Variants in AGFG1 observed in about 807,000 individuals in gnomAD.
AGFG1 encodes the protein arf-GAP domain and FG repeat-containing protein 1.
Under a neutral mutation model 60.6 loss-of-function variants are expected in AGFG1, and 10 were observed. That is an observed-to-expected ratio of 0.16 (90% CI 0.10 to 0.28). The LOEUF (loss-of-function observed/expected upper bound fraction) is 0.28. Ranked by LOEUF, AGFG1 falls within the 10% of genes least tolerant of loss-of-function variation. The probability of loss-of-function intolerance (pLI) is 1.00; values close to 1 mark genes in which losing one functional copy is unlikely to be tolerated. For synonymous variants in AGFG1, 247 were observed against 242.9 expected (o/e 1.02, Z -0.16); for missense variants, 537 against 676.5 (o/e 0.79, Z 2.29).
rs529915952 is a variant in AGFG1 at position 227,541,820 on chromosome 2, A to G, written c.1378+4827A>G. Among the ~76,000 whole-genome samples the G allele has an allele frequency of 5.0e-3, 759 of 152,264 alleles. 11 individuals carry two copies. The highest frequency in any genetic ancestry group is 0.017 in the African/African-American group (726 of 41,538). On this transcript the variant is annotated intron_variant, in intron 10 of 12. Transcript: ENST00000310078. Reference sequence around the variant, plus strand: ...CATTTTCACGATATTGATTCTTCCTATCCATGAGCATGGAATGTTCTTCCA... The same window carrying G: ...CATTTTCACGATATTGATTCTTCCTGTCCATGAGCATGGAATGTTCTTCCA...
rs561784090 is a variant in AGFG1, at chr2:227,507,031, T to A, written c.262-12917T>A. ...CCACTTTAAAAGTTTTAATTTTTGG[T>A]CATGTTAGCAGCTAATGCTCAGTGC... On this transcript the variant is annotated intron_variant, in intron 2 of 12. Coordinates refer to ENST00000310078, the MANE Select transcript of AGFG1 (RefSeq NM_004504.5). Among the ~76,000 whole-genome samples, 6 of 152,308 alleles carry A rather than the reference T, an allele frequency of 3.9e-5. 1 individual carries two copies. The East Asian group carries it at 5.8e-4, about 15-fold the overall frequency.
At chr2:227,490,063 G>T (rs931784848) in intron 1 of AGFG1, among the ~76,000 whole-genome samples, 1 of 152,050 alleles carries the variant, frequency 6.6e-6, no homozygotes, top group African/African-American at 2.4e-5. Context: ...TGAGCTCGTC[G>T]TCTCGGCCCC....
intron 12 of AGFG1, 76 bp downstream of exon 12, chr2:227,553,871 T>C: frequency 9.2e-7 from 1 of 1,081,312 alleles, no homozygotes; most frequent in Non-Finnish European, 1.4e-6. Flanking sequence ...AGGATGTTAA[T>C]ATTCCTAGAT....
chr2:227,500,661 G>A (rs925936594), intron 2 of AGFG1, among the ~76,000 whole-genome samples: 13 of 152,068 alleles, frequency 8.5e-5, no homozygotes, highest in Admixed American at 7.2e-4. Flanking sequence ...TGCTATATTT[G>A]CCTCAGCAGA....
At chr2:227,533,451 T>C (rs1481048398) in intron 6 of AGFG1, 98 bp from the exon 7 acceptor site, 8 of 1,060,118 alleles carry the variant, frequency 7.5e-6, no homozygotes, top group Non-Finnish European at 1.1e-5. Flanking sequence ...TAAGATTGCT[T>C]ATAGGACATT....
intron 2 of AGFG1, among the ~76,000 whole-genome samples, chr2:227,504,892 G>A (rs1022458967): frequency 3.3e-5 from 5 of 152,162 alleles, no homozygotes; most frequent in African/African-American, 4.8e-5. Flanking sequence ...CTTGAAAGGA[G>A]TGTGTTTTCT....
Position 227,489,023 on chromosome 2 carries a change from C to T in AGFG1, c.168-2524C>T, listed in dbSNP as rs1002455004. Among the ~76,000 whole-genome samples the T allele has an allele frequency of 1.4e-4, 21 of 151,996 alleles. 1 individual carries two copies. The highest frequency in any genetic ancestry group is 1.9e-4 in the East Asian group (1 of 5,180). On this transcript the variant is annotated intron_variant, in intron 1 of 12. Transcript: ENST00000310078. ...AGAGACAGGGTTTCAACATGTTGGC[C>T]AGGCTGATCTCGAACTCCTGACCTC... is the stretch of plus-strand genomic sequence containing the variant.
chr2:227,504,929 AATG>A (rs1256777312), intron 2 of AGFG1, among the ~76,000 whole-genome samples: 1 of 152,170 alleles, frequency 6.6e-6, no homozygotes, highest in African/African-American at 2.4e-5. Flanking sequence ...GTGTTCTATA[AATG>A]ACAATTATAG....
At chr2:227,492,891 G>A (rs1690861013) in intron 2 of AGFG1, among the ~76,000 whole-genome samples, 1 of 152,046 alleles carries the variant, frequency 6.6e-6, no homozygotes, top group Non-Finnish European at 1.5e-5. Flanking sequence ...CTTGTGTAAA[G>A]TTTACAAGTA....
chr2:227,536,855 A>G (rs1559194371), intron 9 of AGFG1, 46 bp from the exon 10 acceptor site: 1 of 1,556,526 alleles, frequency 6.4e-7, no homozygotes, highest in Non-Finnish European at 8.8e-7. Flanking sequence ...AATCTTAAAT[A>G]CAAAATGTAT....
intron 2 of AGFG1, chr2:227,508,534 A>G (rs1366127171): frequency 1.8e-5 from 8 of 453,186 alleles, no homozygotes; most frequent in Admixed American, 1.6e-4. Context: ...GTGTACATCT[A>G]TATGTGAGGT....
At chr2:227,522,825 A>T (rs1029972984) in intron 3 of AGFG1, among the ~76,000 whole-genome samples, 1 of 152,216 alleles carries the variant, frequency 6.6e-6, no homozygotes, top group Non-Finnish European at 1.5e-5. Context: ...CTATGTTTGG[A>T]CATTATTATA....
rs1341980165 is a variant in AGFG1 at position 227,544,810 on chromosome 2, T to C, written c.1379-7149T>C. Among the ~76,000 whole-genome samples the C allele has an allele frequency of 8.5e-5, 13 of 152,178 alleles. 1 individual carries two copies. The highest frequency in any genetic ancestry group is 1.5e-5 in the Non-Finnish European group (1 of 68,038). On this transcript the variant is annotated intron_variant, in intron 10 of 12. Coordinates refer to ENST00000310078, the MANE Select transcript of AGFG1 (RefSeq NM_004504.5). Reference sequence around the variant, plus strand: ...CACCACTCTTTTCTGGCTTGTAGAGTTTCTGCTGAGAGATCCCCTGTTAGT... The same window carrying C: ...CACCACTCTTTTCTGGCTTGTAGAGCTTCTGCTGAGAGATCCCCTGTTAGT...
In AGFG1 at chr2:227,554,602, G is replaced by A. The variant is rs1458188034; in HGVS notation, c.*107G>A. On this transcript the variant is annotated 3_prime_UTR_variant, in exon 13 of 13. Coordinates refer to ENST00000310078, the MANE Select transcript of AGFG1 (RefSeq NM_004504.5). ...ACTGATCTTAGCTTTAAACACAAGA[G>A]AAGTCTTTAAAAAGCCTGCATTGTG... is the stretch of plus-strand genomic sequence containing the variant. The A allele has an allele frequency of 1.0e-6, 1 of 980,460 alleles. No homozygotes were observed. The highest frequency in any genetic ancestry group is 2.6e-5 in the East Asian group (1 of 38,996). The allele number at this position is 980,460 out of a possible 1,614,324, so 60.7% of individuals were successfully genotyped here. A position where few individuals can be genotyped will look rare whatever the true frequency, so the allele number is the denominator to read the frequency against.
chr2:227,541,593 T>C (rs1326241083), intron 10 of AGFG1, among the ~76,000 whole-genome samples: 2 of 152,244 alleles, frequency 1.3e-5, no homozygotes, highest in African/African-American at 4.8e-5. Context: ...TTTTGGTTAC[T>C]GTAGCCTTGT....
At chr2:227,539,608 G>A (rs889009375) in intron 10 of AGFG1, among the ~76,000 whole-genome samples, 1 of 151,752 alleles carries the variant, frequency 6.6e-6, no homozygotes. Flanking sequence ...ATAAATGGTG[G>A]CAGACACCTG....
intron 11 of AGFG1, 144 bp downstream of exon 11, chr2:227,552,261 G>A: frequency 9.3e-7 from 1 of 1,076,562 alleles, no homozygotes; most frequent in Non-Finnish European, 1.3e-6. Flanking sequence ...AAAGCCTTTG[G>A]TGATTTGGAC....
At position 227,557,351 on chromosome 2, in the gene AGFG1, A is replaced by G. The variant is rs1381266940; in HGVS notation, c.*2856A>G. 2 of 152,150 alleles carry G rather than the reference A, an allele frequency of 1.3e-5. No individual in the cohort carries two copies. Among genetic ancestry groups the G allele is most frequent in the Non-Finnish European group, 2.9e-5 (2 of 68,020 alleles). The allele number at this position is 152,150 out of a possible 1,614,324, so 9.4% of individuals were successfully genotyped here. On this transcript the variant is annotated 3_prime_UTR_variant, in exon 13 of 13. Transcript: ENST00000310078. ...AATAAGTCCTTCTGTTAATTTGTAA[A>G]AGCACATTAGTGCTTTACCTGTGAA... is the stretch of plus-strand genomic sequence containing the variant.
chr2:227,473,901 G>T (rs1376460260), intron 1 of AGFG1, among the ~76,000 whole-genome samples: 2 of 152,150 alleles, frequency 1.3e-5, no homozygotes, highest in African/African-American at 2.4e-5. Context: ...AGGCCCTGGG[G>T]TGTGCCAGTA....
Sources: allele counts gnomAD v4.1 joint callset (sites outside exome capture counted in the v4.1 genomes callset), GRCh38; gene constraint gnomAD v4.1.1; transcripts MANE v1.5; gene names NCBI Gene and HGNC (gene_info 2026-07-23, HGNC 2026-07-21).